Variants in NEBL observed in about 807,000 individuals in gnomAD.
NEBL encodes the protein nebulette, also known as LIM and SH3 protein 2.
A neutral mutation model predicts 140.2 loss-of-function variants in NEBL; 122 were observed. The ratio of observed to expected loss-of-function variants is 0.87; its 90% CI spans 0.75 to 1.01. NEBL has a LOEUF of 1.01. Among genes scored for constraint, NEBL ranks in the 50% least tolerant of loss-of-function variants. The pLI, the probability that NEBL is intolerant of heterozygous loss-of-function variation, is 0.00. For synonymous variants in NEBL, 436 were observed against 398.9 expected, an observed-to-expected ratio of 1.09 and a Z score of -1.11; for missense variants, 1,365 against 1,231.3, an observed-to-expected ratio of 1.11 and a Z score of -1.62.
At chr10:21,082,425 A>G (rs1192251700) in intron 2 of NEBL, among the ~76,000 whole-genome samples, 2 of 152,042 alleles carry the variant, frequency 1.3e-5, no homozygotes, top group African/African-American at 4.8e-5. Context: ...ATATTTGGCA[A>G]TGAGGAAACA....
chr10:20,905,452 C>T (rs1848051632), intron 4 of NEBL, among the ~76,000 whole-genome samples: 1 of 152,128 alleles, frequency 6.6e-6, no homozygotes, highest in Non-Finnish European at 1.5e-5. Flanking sequence ...AGAGAGCCAG[C>T]AAGAGCAGGG....
intron 2 of NEBL, among the ~76,000 whole-genome samples, chr10:21,065,273 G>T (rs559770896): frequency 4.6e-5 from 7 of 152,286 alleles, no homozygotes; most frequent in African/African-American, 1.7e-4. Context: ...CTTGATCACA[G>T]TTTTCTGATG....
At chr10:21,208,139 G>A (rs925116906) in intron 3 of NEBL, among the ~76,000 whole-genome samples, 9 of 152,118 alleles carry the variant, frequency 5.9e-5, no homozygotes, top group African/African-American at 1.9e-4. Context: ...AGAAGATTGT[G>A]GAGGATAAAG....
intron 3 of NEBL, among the ~76,000 whole-genome samples, chr10:21,242,004 C>T (rs1165212784): frequency 1.4e-5 from 2 of 147,394 alleles, no homozygotes; most frequent in Non-Finnish European, 3.0e-5. Flanking sequence ...GAGTTCAAGG[C>T]CAGCCTGGGC....
At chr10:20,888,305 G>T (rs558941892) in intron 3 of NEBL, 98 bp from the exon 4 acceptor site, 2 of 767,556 alleles carry the variant, frequency 2.6e-6, no homozygotes, top group East Asian at 2.7e-5. Context: ...TCCCAAAACA[G>T]AATTGATTTT....
intron 3 of NEBL, among the ~76,000 whole-genome samples, chr10:20,965,952 C>A (rs921059949): frequency 6.6e-6 from 1 of 152,292 alleles, no homozygotes; most frequent in Non-Finnish European, 1.5e-5. Context: ...AAGTTACCAA[C>A]CTGAGCTCAG....
intron 5 of NEBL, among the ~76,000 whole-genome samples, chr10:20,879,035 C>T (rs1054082237): frequency 4.6e-5 from 7 of 152,160 alleles, no homozygotes; most frequent in Non-Finnish European, 8.8e-5. Context: ...GTGTGAATTT[C>T]GTCTCTTCAG....
chr10:21,048,053 A>G (rs1834596527), intron 2 of NEBL, among the ~76,000 whole-genome samples: 1 of 152,142 alleles, frequency 6.6e-6, no homozygotes, highest in Non-Finnish European at 1.5e-5. Flanking sequence ...ATATCAACAC[A>G]TTGCAATGCA....
Position 21,222,690 on chromosome 10 carries a change from GT to G in NEBL, n.348+25230del, listed in dbSNP as rs531556465. ...ATACAATGTGTAATAATCACATGGGGTAAATGGAATATCCATCACCTCAAGC... is the reference window on the plus strand; with the variant it reads ...ATACAATGTGTAATAATCACATGGGGAAATGGAATATCCATCACCTCAAGC... On this transcript the variant is annotated intron_variant and non_coding_transcript_variant, in intron 3 of 8. Transcript: ENST00000675702. 2.0e-3 allele frequency among the ~76,000 whole-genome samples: 311 copies of G among 152,280 alleles called. 1 individual carries two copies. Among genetic ancestry groups the G allele is most frequent in the Non-Finnish European group, 3.6e-3 (242 of 68,026 alleles).
At chr10:21,115,168 CT>C (rs1277345965) in intron 2 of NEBL, among the ~76,000 whole-genome samples, 2 of 151,896 alleles carry the variant, frequency 1.3e-5, no homozygotes, top group African/African-American at 4.8e-5. Context: ...ATTATAATAA[CT>C]TCATGACACT....
chr10:20,830,095 A>G (rs926116995), intron 16 of NEBL, among the ~76,000 whole-genome samples: 1 of 152,210 alleles, frequency 6.6e-6, no homozygotes, highest in African/African-American at 2.4e-5. Flanking sequence ...CTTCAGGATC[A>G]TCCCAGCGGC....
intron 3 of NEBL, among the ~76,000 whole-genome samples, chr10:21,196,313 T>TTTAA (rs1554832543): frequency 7.1e-6 from 1 of 140,538 alleles, no homozygotes; most frequent in Non-Finnish European, 1.5e-5. Context: ...ATATTTTTAT[T>TTTAA]TTTATTTATT....
intron 1 of NEBL, among the ~76,000 whole-genome samples, chr10:21,284,841 A>G (rs1050344985): frequency 2.0e-5 from 3 of 152,104 alleles, no homozygotes; most frequent in Non-Finnish European, 2.9e-5. Context: ...AAATTAACAA[A>G]TCTCACATTA....
At chr10:20,967,825 G>A (rs565154538) in intron 3 of NEBL, among the ~76,000 whole-genome samples, 5 of 152,188 alleles carry the variant, frequency 3.3e-5, no homozygotes, top group African/African-American at 1.2e-4. Flanking sequence ...AAACTTGCAT[G>A]TACACATTAT....
intron 3 of NEBL, among the ~76,000 whole-genome samples, chr10:21,188,199 G>C (rs1237129825): frequency 2.0e-5 from 3 of 152,108 alleles, no homozygotes; most frequent in Non-Finnish European, 4.4e-5. Flanking sequence ...AAGAAGATTT[G>C]CTGATTTAAA....
intron 13 of NEBL, among the ~76,000 whole-genome samples, chr10:20,839,262 A>C (rs2130959291): frequency 6.6e-6 from 1 of 152,312 alleles, no homozygotes; most frequent in Admixed American, 6.5e-5. Context: ...AACAACTTTT[A>C]CACATGCTAC....
chr10:21,126,083 G>A lies in NEBL; in HGVS notation c.164+46300C>T, dbSNP rs1410272885. ...GTCTCCCCAACCAGCTTCCTGGGAG[G>A]CCTCAGGCCCTTCTCGGCTCTCCGT... On this transcript the variant is annotated intron_variant, in intron 2 of 6. Transcript: ENST00000417816. The A allele has an allele frequency of 3.7e-6, 6 of 1,613,906 alleles. No individual in the cohort carries two copies. In the South Asian group the frequency reaches 6.6e-5, roughly 18 times the overall value.
At chr10:21,277,687 C>T (rs1001978666) in intron 1 of NEBL, among the ~76,000 whole-genome samples, 1 of 152,208 alleles carries the variant, frequency 6.6e-6, no homozygotes, top group Non-Finnish European at 1.5e-5. Context: ...CATTCCCTGC[C>T]TCTTGCATTC....
chr10:20,893,618 C>T (rs1268861169), intron 2 of NEBL, among the ~76,000 whole-genome samples: 1 of 152,176 alleles, frequency 6.6e-6, no homozygotes, highest in Non-Finnish European at 1.5e-5. Context: ...GCAGTGCAGG[C>T]TTCCTAGGGC....
Sources: allele counts gnomAD v4.1 joint callset (sites outside exome capture counted in the v4.1 genomes callset), GRCh38; gene constraint gnomAD v4.1.1; transcripts MANE v1.5; gene names NCBI Gene and HGNC (gene_info 2026-07-23, HGNC 2026-07-21).